The following STAMBP variants were observed in gnomAD, a reference collection of about 807,000 sequenced individuals.
The protein encoded by STAMBP is STAM-binding protein.
A neutral mutation model predicts 50.7 loss-of-function variants in STAMBP; 31 were observed. The observed-to-expected ratio is 0.61, with a 90% confidence interval of 0.46 to 0.83. The LOEUF (loss-of-function observed/expected upper bound fraction) is 0.83. Ranked by LOEUF, STAMBP falls within the 40% of genes least tolerant of loss-of-function variation. The probability of loss-of-function intolerance (pLI) is 0.00; values close to 1 mark genes in which losing one functional copy is unlikely to be tolerated. For synonymous variants in STAMBP, 211 were observed against 192.4 expected (o/e 1.10, Z -0.80); for missense variants, 472 against 518.9 (o/e 0.91, Z 0.88).
intron 2 of STAMBP, among the ~76,000 whole-genome samples, chr2:73,834,657 C>T (rs1413681238): frequency 2.6e-5 from 4 of 151,394 alleles, no homozygotes; most frequent in Non-Finnish European, 5.9e-5. Context: ...CAGCTGTAGT[C>T]GAAATAAGGA....
chr2:73,832,360 C>T (rs1183549300), intron 2 of STAMBP, among the ~76,000 whole-genome samples: 9 of 150,798 alleles, frequency 6.0e-5, no homozygotes, highest in Admixed American at 2.0e-4. Flanking sequence ...GAGGCTAAGG[C>T]AGGAGAATCG....
In STAMBP at chr2:73,847,547, T is replaced by G; in HGVS notation, c.536T>G (p.Leu179Arg). 2 of 1,614,170 alleles carry G rather than the reference T, an allele frequency of 1.2e-6. No individual in the cohort carries two copies. The highest frequency in any genetic ancestry group is 1.7e-6 in the Non-Finnish European group (2 of 1,180,040). ...IRNQELEKER[L>R]KIVQEFGKVD... ...AACCAGGAGCTAGAAAAAGAGCGAC[T>G]GAAAATTGTACAGGAGTTTGGGAAG... Residue 179 changes from leucine to arginine, a missense_variant, in exon 5 of 10, where the codon CTG becomes CGG. Transcript: ENST00000394070.
At chr2:73,872,633 C>A (rs557272104) in intron 10 of STAMBP, among the ~76,000 whole-genome samples, 7 of 152,164 alleles carry the variant, frequency 4.6e-5, no homozygotes, top group African/African-American at 1.7e-4. Context: ...AACTTTATCC[C>A]GAAGTGTTGA....
intron 7 of STAMBP, chr2:73,855,520 G>A (rs750117584): frequency 1.1e-5 from 5 of 444,360 alleles, no homozygotes; most frequent in South Asian, 1.6e-5. Flanking sequence ...GGCTACCCAC[G>A]TTTGCTCCCA....
rs1558549168 is a variant in STAMBP, at chr2:73,829,042, T to C, written c.-481T>C. 1 of 152,186 alleles carries C rather than the reference T, an allele frequency of 6.6e-6. No individual in the cohort carries two copies. Among genetic ancestry groups the C allele is most frequent in the Non-Finnish European group, 1.5e-5 (1 of 68,102 alleles). The allele number at this position is 152,186 out of a possible 1,614,324, so 9.4% of individuals were successfully genotyped here. ...CGTGGTGGGGCAGGGCCTCCGAGCG[T>C]GGTTGGACTTTGAAGGGGATCGGCC... On this transcript the variant is annotated 5_prime_UTR_variant, in exon 1 of 10. Coordinates refer to ENST00000394070, the MANE Select transcript of STAMBP (RefSeq NM_213622.4).
At position 73,862,946 on chromosome 2, in the gene STAMBP, GTATGGTTGTTT is replaced by G. The variant is rs1678510912; in HGVS notation, c.*689_*699del. On this transcript the variant is annotated 3_prime_UTR_variant, in exon 10 of 10. Coordinates refer to ENST00000394070, the MANE Select transcript of STAMBP (RefSeq NM_213622.4). The stretch of plus-strand genomic sequence containing the variant: ...ATTGTATAAACAGGTTAAAAAAAAG[GTATGGTTGTTT>G]TGGAAAGGTGAAGGAAAAATGGAAT... 1 of 152,180 alleles carries G rather than the reference GTATGGTTGTTT, an allele frequency of 6.6e-6. No individual in the cohort carries two copies. The highest frequency in any genetic ancestry group is 2.1e-4 in the South Asian group (1 of 4,820). The allele number at this position is 152,180 out of a possible 1,614,324, so 9.4% of individuals were successfully genotyped here. A position where few individuals can be genotyped will look rare whatever the true frequency, so the allele number is the denominator to read the frequency against.
At chr2:73,867,658 CAAATT>C (rs893541651), downstream of STAMBP, among the ~76,000 whole-genome samples, 98 of 152,262 alleles carry the variant, frequency 6.4e-4, no homozygotes, top group African/African-American at 2.2e-3. Context: ...TACAATATCA[CAAATT>C]AAAATTTCTG....
chr2:73,831,807 A>T (rs994299727), intron 2 of STAMBP, among the ~76,000 whole-genome samples: 1 of 152,048 alleles, frequency 6.6e-6, no homozygotes. Context: ...ATTTCATTTG[A>T]TCTTCACAGT....
intron 2 of STAMBP, among the ~76,000 whole-genome samples, chr2:73,833,837 A>G (rs1199724459): frequency 6.6e-6 from 1 of 152,112 alleles, no homozygotes; most frequent in African/African-American, 2.4e-5. Flanking sequence ...GTATGGGAGA[A>G]GACAATAAAC....
At chr2:73,868,018 G>T (rs1679029246), downstream of STAMBP, among the ~76,000 whole-genome samples, 1 of 151,968 alleles carries the variant, frequency 6.6e-6, no homozygotes, top group African/African-American at 2.4e-5. Context: ...CAGCTACTTG[G>T]GAGGCTGAGG....
intron 2 of STAMBP, among the ~76,000 whole-genome samples, chr2:73,837,791 TC>T (rs1393432781): frequency 6.6e-6 from 1 of 151,960 alleles, no homozygotes; most frequent in Non-Finnish European, 1.5e-5. Flanking sequence ...ACATAAAAGA[TC>T]AAGTATCTTT....
At chr2:73,859,726 A>AAAAAAAT (rs1678081986) in intron 8 of STAMBP, among the ~76,000 whole-genome samples, 1 of 146,066 alleles carries the variant, frequency 6.8e-6, no homozygotes, top group African/African-American at 2.7e-5. Context: ...ATAAAAAAAT[A>AAAAAAAT]AAAATAAAAA....
chr2:73,844,492 G>A (rs369191537), intron 2 of STAMBP: 188 of 175,426 alleles, frequency 1.1e-3, no homozygotes, highest in African/African-American at 4.2e-3. Flanking sequence ...AACCTGTCAC[G>A]TCACAACAAG....
At chr2:73,852,411 G>T (rs552312795) in intron 7 of STAMBP, among the ~76,000 whole-genome samples, 1 of 152,266 alleles carries the variant, frequency 6.6e-6, no homozygotes, top group East Asian at 1.9e-4. Flanking sequence ...AATCACTGGA[G>T]GTAGTTATCA....
rs139510998 is a variant in STAMBP at position 73,862,669 on chromosome 2, G to A, written c.*410G>A. ...ACCTCTGGGCTCAATAAGGGCATCT[G>A]TGCAGAAATTTGGAAGCCATTTAGA... On this transcript the variant is annotated 3_prime_UTR_variant, in exon 10 of 10. Transcript: ENST00000394070. 6.1e-4 allele frequency: 93 copies of A among 153,364 alleles called. No individual in the cohort carries two copies. The highest frequency in any genetic ancestry group is 1.1e-3 in the Non-Finnish European group (77 of 68,524). The allele number at this position is 153,364 out of a possible 1,614,324, so 9.5% of individuals were successfully genotyped here.
At chr2:73,853,215 T>C (rs1311724056) in intron 7 of STAMBP, among the ~76,000 whole-genome samples, 2 of 152,014 alleles carry the variant, frequency 1.3e-5, no homozygotes, top group African/African-American at 4.8e-5. Context: ...CTGTAAGAGT[T>C]TAAGAACTCA....
At position 73,831,809 on chromosome 2, in the gene STAMBP, CT is replaced by C. The variant is rs1673962724; in HGVS notation, c.203+752del. 3.3e-5 allele frequency among the ~76,000 whole-genome samples: 5 copies of C among 152,000 alleles called. No homozygotes were observed. The South Asian group carries it at 1.0e-3, about 32-fold the overall frequency. On this transcript the variant is annotated intron_variant, in intron 2 of 9. Transcript: ENST00000394070. ...TTTCACCTGCATAATTTCATTTGAT[CT>C]TCACAGTTCTGTGTGCATGGAATAG...
chr2:73,858,647 T>A (rs1174834645), intron 7 of STAMBP, among the ~76,000 whole-genome samples: 2 of 152,184 alleles, frequency 1.3e-5, no homozygotes, highest in Non-Finnish European at 2.9e-5. Context: ...GTCACCATGT[T>A]GTATAGTAAG....
chr2:73,846,154 C>CT (rs1456410067), intron 4 of STAMBP, among the ~76,000 whole-genome samples: 1 of 151,696 alleles, frequency 6.6e-6, no homozygotes, highest in African/African-American at 2.4e-5. Context: ...TGAGTGTAAG[C>CT]TTTAAGGAGG....
Sources: allele counts gnomAD v4.1 joint callset (sites outside exome capture counted in the v4.1 genomes callset), GRCh38; gene constraint gnomAD v4.1.1; transcripts MANE v1.5; gene names NCBI Gene and HGNC (gene_info 2026-07-23, HGNC 2026-07-21).